The following SEMA7A variants were observed in gnomAD, a reference collection of about 807,000 sequenced individuals.
SEMA7A encodes semaphorin-7A.
SEMA7A carries 21 observed loss-of-function variants against 67.5 expected under a neutral mutation model. That is an observed-to-expected ratio of 0.31 (90% CI 0.22 to 0.45). SEMA7A has a LOEUF of 0.45. Ranked by LOEUF, SEMA7A falls within the 20% of genes least tolerant of loss-of-function variation. The pLI is 1.00. For synonymous variants in SEMA7A, 364 were observed against 368.5 expected (o/e 0.99, Z 0.14); for missense variants, 774 against 908.6 (o/e 0.85, Z 1.90).
chr15:74,425,782 T>C (rs1041987222), intron 1 of SEMA7A, among the ~76,000 whole-genome samples: 2 of 152,198 alleles, frequency 1.3e-5, no homozygotes, highest in Non-Finnish European at 2.9e-5. Context: ...ATGTGCTCAA[T>C]CCAGATATCT....
At chr15:74,416,895 C>T (rs911842817) in intron 6 of SEMA7A, among the ~76,000 whole-genome samples, 181 bp from the exon 7 acceptor site, 2 of 152,174 alleles carry the variant, frequency 1.3e-5, no homozygotes, top group East Asian at 3.9e-4. Flanking sequence ...ACCTCCACCC[C>T]ACACCTGTTT....
chr15:74,428,826 T>C (rs993254511), intron 1 of SEMA7A, among the ~76,000 whole-genome samples: 4 of 152,130 alleles, frequency 2.6e-5, no homozygotes. Context: ...ATAAAGGGCT[T>C]GGAGAGCCAC....
rs1212605811 is a variant in SEMA7A at position 74,433,846 on chromosome 15, A to G, written c.73T>C (p.Leu25=). 8.3e-6 allele frequency: 11 copies of G among 1,326,288 alleles called. No individual in the cohort carries two copies. Among genetic ancestry groups the G allele is most frequent in the Non-Finnish European group, 1.1e-5 (11 of 1,045,432 alleles). The allele number at this position is 1,326,288 out of a possible 1,614,324, so 82.2% of individuals were successfully genotyped here. The change falls in exon 1 of 14, where the codon TTG becomes CTG. Residue 25 remains leucine, a synonymous_variant. Transcript: ENST00000261918. ...RARVPGPPAR[L]GLPLRLRLLL... ...AGCCGCAGCCGCAGCGGAAGCCCCA[A>G]CCGAGCCGGCGGGCCAGGGACGCGG...
Position 74,414,759 on chromosome 15 carries a change from G to A in SEMA7A, c.1096-14C>T. On this transcript the variant is annotated splice_polypyrimidine_tract_variant and intron_variant, in intron 9 of 13. Transcript: ENST00000261918. This position sits in a 1 kb window ranked among gnomAD's most constrained non-coding sequence, Gnocchi z 4.1. ...GTCTGGGAGGCACTGGGCAAGGAGA[G>A]CAGGCCCAGGTCAGTGGGGTGGTGG... is the stretch of plus-strand genomic sequence containing the variant. 1 of 1,614,094 alleles carries A rather than the reference G, an allele frequency of 6.2e-7. No homozygotes were observed. Among genetic ancestry groups the A allele is most frequent in the South Asian group, 1.1e-5 (1 of 91,074 alleles).
intron 1 of SEMA7A, among the ~76,000 whole-genome samples, chr15:74,432,286 G>C (rs2141295052): frequency 6.6e-6 from 1 of 152,330 alleles, no homozygotes; most frequent in South Asian, 2.1e-4. Flanking sequence ...GGCAAAGGAA[G>C]CTTGGGCTGG....
At chr15:74,416,876 A>G (rs1190493692) in intron 6 of SEMA7A, among the ~76,000 whole-genome samples, 162 bp from the exon 7 acceptor site, 2 of 152,186 alleles carry the variant, frequency 1.3e-5, no homozygotes, top group Admixed American at 6.5e-5. Flanking sequence ...GAGGGGCCCT[A>G]GACCCTGCAC....
rs765264302 is a variant in SEMA7A at position 74,414,778 on chromosome 15, G to A, written c.1096-33C>T. 36 of 1,613,836 alleles carry A rather than the reference G, an allele frequency of 2.2e-5. No individual in the cohort carries two copies. The highest frequency in any genetic ancestry group is 5.0e-5 in the Admixed American group (3 of 60,010). On this transcript the variant is annotated intron_variant, in intron 9 of 13. Coordinates refer to ENST00000261918, the MANE Select transcript of SEMA7A (RefSeq NM_003612.5). This position sits in a 1 kb window ranked among gnomAD's most constrained non-coding sequence, Gnocchi z 4.1. ...AGGAGAGCAGGCCCAGGTCAGTGGGGTGGTGGGAGGTGAGGCAGAAGGAGG... is the reference window on the plus strand; with the variant it reads ...AGGAGAGCAGGCCCAGGTCAGTGGGATGGTGGGAGGTGAGGCAGAAGGAGG...
rs1409512794 is a variant in SEMA7A at position 74,414,803 on chromosome 15, G to A, written c.1095+35C>T. On this transcript the variant is annotated intron_variant, in intron 9 of 13. Transcript: ENST00000261918. This position sits in a 1 kb window ranked among gnomAD's most constrained non-coding sequence, Gnocchi z 4.1. ...GTGGTGGGAGGTGAGGCAGAAGGAG[G>A]GCTGGGCCTGGGCCACGGCTGGTGT... 1.2e-6 allele frequency: 2 copies of A among 1,613,796 alleles called. No homozygotes were observed. Among genetic ancestry groups the A allele is most frequent in the East Asian group, 2.2e-5 (1 of 44,884 alleles).
Position 74,411,354 on chromosome 15 carries a change from G to A in SEMA7A, c.1580C>T (p.Ser527Leu). ...GGCTGGATTAATGGATTGCAGCACTGACCTGGAGTGGGAAGGACGAAAGAG... is the reference window on the plus strand; with the variant it reads ...GGCTGGATTAATGGATTGCAGCACTAACCTGGAGTGGGAAGGACGAAAGAG... ...RCISIYSSER[S>L]VLQSINPAEP... is the part of the protein sequence containing the mutation. The change falls in exon 13 of 14, where the codon TCA (serine) becomes TTA (leucine). Residue 527 changes from serine to leucine, a missense_variant and splice_region_variant. Coordinates refer to ENST00000261918, the MANE Select transcript of SEMA7A (RefSeq NM_003612.5). This position sits in a 1 kb window ranked among gnomAD's most constrained non-coding sequence, Gnocchi z 4.4. The A allele has an allele frequency of 6.2e-7, 1 of 1,613,982 alleles. No homozygotes were observed. The highest frequency in any genetic ancestry group is 8.5e-7 in the Non-Finnish European group (1 of 1,179,940).
intron 1 of SEMA7A, among the ~76,000 whole-genome samples, chr15:74,426,174 C>T (rs1302626932): frequency 6.6e-6 from 1 of 152,186 alleles, no homozygotes; most frequent in Non-Finnish European, 1.5e-5. Context: ...ACTTGGGAGG[C>T]TGAGACAGAA....
chr15:74,425,294 G>A (rs1018256130), intron 1 of SEMA7A, among the ~76,000 whole-genome samples: 8 of 152,200 alleles, frequency 5.3e-5, no homozygotes, highest in Admixed American at 2.0e-4. Flanking sequence ...AATCATCACT[G>A]AACTCTCATG....
intron 10 of SEMA7A, among the ~76,000 whole-genome samples, chr15:74,413,691 C>T (rs2060921125): frequency 1.3e-5 from 2 of 152,162 alleles, no homozygotes; most frequent in Non-Finnish European, 1.5e-5. Context: ...GGAAATTCCT[C>T]TCCCCAAGGC....
chr15:74,428,237 AGTCTGGGCCCAACTGG>A (rs1449393880), intron 1 of SEMA7A, among the ~76,000 whole-genome samples: 2 of 152,202 alleles, frequency 1.3e-5, no homozygotes, highest in Non-Finnish European at 2.9e-5. Flanking sequence ...GGGCGGGAAG[AGTCTGGGCCCAACTGG>A]GCTAGCAGAG....
chr15:74,433,381 G>A (rs1211776748), intron 1 of SEMA7A, among the ~76,000 whole-genome samples: 2 of 151,968 alleles, frequency 1.3e-5, no homozygotes, highest in African/African-American at 4.8e-5. Flanking sequence ...GGCGGGGAAA[G>A]GTCCTCCGCC....
intron 1 of SEMA7A, among the ~76,000 whole-genome samples, chr15:74,430,125 T>C (rs989593850): frequency 6.6e-6 from 1 of 151,910 alleles, no homozygotes; most frequent in Admixed American, 6.6e-5. Context: ...AGCACAAGGG[T>C]GGCCCCGGCA....
chr15:74,418,903 C>T lies in SEMA7A; in HGVS notation c.228G>A (p.Thr76=), dbSNP rs751407152. 1.8e-5 allele frequency: 29 copies of T among 1,613,694 alleles called. 1 individual carries two copies. Among genetic ancestry groups the T allele is most frequent in the Middle Eastern group, 1.6e-4 (1 of 6,084 alleles). ...AGCTGCCTGGCTCGTGGAAAAGCAC[C>T]GTGTGCGGCTCAGTCTGGCCAAAGT... ...RVDFGQTEPH[T]VLFHEPGSSS... Residue 76 remains threonine (T), a synonymous_variant, in exon 2 of 14, where the codon ACG becomes ACA. Coordinates refer to ENST00000261918, the MANE Select transcript of SEMA7A (RefSeq NM_003612.5).
intron 1 of SEMA7A, among the ~76,000 whole-genome samples, chr15:74,429,946 T>C (rs1426666059): frequency 1.3e-5 from 2 of 152,216 alleles, no homozygotes; most frequent in Non-Finnish European, 1.5e-5. Flanking sequence ...CCCTCCCTGA[T>C]TGGGAAAATT....
chr15:74,410,546 G>A lies in SEMA7A; in HGVS notation c.*78C>T, dbSNP rs537311785. ...AGAAGTGGCAGGCAAGGAGCTCCCG[G>A]GCCAGCCGGCTCTGAGTGTGAGACG... On this transcript the variant is annotated 3_prime_UTR_variant, in exon 14 of 14. Coordinates refer to ENST00000261918, the MANE Select transcript of SEMA7A (RefSeq NM_003612.5). The surrounding 1 kb of genome is among the most constrained non-coding windows in gnomAD (Gnocchi z 7.5). The A allele has an allele frequency of 2.9e-5, 44 of 1,508,558 alleles. No homozygotes were observed. Among genetic ancestry groups the A allele is most frequent in the Non-Finnish European group, 3.0e-5 (34 of 1,127,526 alleles). The allele number at this position is 1,508,558 out of a possible 1,614,324, so 93.4% of individuals were successfully genotyped here.
rs1018992366 is a variant in SEMA7A, at chr15:74,422,405, G to T, written c.179-3453C>A. 3.9e-4 allele frequency among the ~76,000 whole-genome samples: 60 copies of T among 152,142 alleles called. 1 individual carries two copies. Among genetic ancestry groups the T allele is most frequent in the Non-Finnish European group, 3.2e-4 (22 of 68,012 alleles). The stretch of plus-strand genomic sequence containing the variant: ...ACCAGGGGCTCAGGTAGGGGAGGGG[G>T]CTAGGGACATATGGGGAGGGCATAG... On this transcript the variant is annotated intron_variant, in intron 1 of 13. Transcript: ENST00000261918.
Sources: gnomAD v4.1 joint callset for allele counts (sites outside exome capture counted in the v4.1 genomes callset) on GRCh38, gnomAD v4.1.1 for gene constraint, Gnocchi (gnomAD v3.1) non-coding constraint, MANE v1.5 for transcripts, NCBI Gene and HGNC (gene_info 2026-07-23, HGNC 2026-07-21) for gene names.